The following PTPN5 variants were observed in gnomAD, a reference collection of about 807,000 sequenced individuals.
The protein encoded by PTPN5 is protein tyrosine phosphatase non-receptor type 5.
In PTPN5, 29 loss-of-function variants were observed where a neutral mutation model predicts 73.9. The ratio of observed to expected loss-of-function variants is 0.39; its 90% CI spans 0.29 to 0.54. PTPN5 has a LOEUF of 0.54. Ranked by LOEUF, PTPN5 falls within the 20% of genes least tolerant of loss-of-function variation. PTPN5 has a pLI of 0.65. For missense variants in PTPN5, 652 were observed against 751.4 expected (o/e 0.87, Z 1.55); for synonymous variants, 267 against 304.7 (o/e 0.88, Z 1.29).
intron 1 of PTPN5, among the ~76,000 whole-genome samples, chr11:18,780,645 T>C (rs1037836041): frequency 6.6e-6 from 1 of 151,922 alleles, no homozygotes; most frequent in Admixed American, 6.6e-5. Flanking sequence ...GCTCAATCCT[T>C]CCCCCAGCAC....
chr11:18,766,391 A>T (rs1325986972), intron 2 of PTPN5, among the ~76,000 whole-genome samples: 3 of 152,196 alleles, frequency 2.0e-5, no homozygotes, highest in Non-Finnish European at 4.4e-5. Flanking sequence ...CCATGGGTGG[A>T]CAAGAAGAGG....
chr11:18,765,814 C>A lies in PTPN5; in HGVS notation c.90G>T (p.Arg30Ser), dbSNP rs1220507764. 1.9e-6 allele frequency: 3 copies of A among 1,571,670 alleles called. No homozygotes were observed. Among genetic ancestry groups the A allele is most frequent in the Admixed American group, 3.7e-5 (2 of 54,020 alleles). Residue 30 changes from arginine (R) to serine (S), a missense_variant, in exon 3 of 15, where the codon AGG becomes AGT. Arg to Ser is a moderately radical substitution (Grantham distance 110). Coordinates refer to ENST00000358540, the MANE Select transcript of PTPN5 (RefSeq NM_006906.2). ...GGTGCTGAGAAGACTCACCCGGTAG[C>A]CTCTCACTGCAGCACATGTCCAGGG... is the stretch of plus-strand genomic sequence containing the variant. ...GGALDMCCSE[R>S]LPGLPQPIVM...
intron 2 of PTPN5, among the ~76,000 whole-genome samples, chr11:18,770,017 G>A (rs1340546316): frequency 3.0e-4 from 46 of 152,136 alleles, no homozygotes; most frequent in Admixed American, 3.0e-3. Context: ...TCTCACACCT[G>A]GTCTGGCTGG....
At chr11:18,770,715 C>T (rs1358998532) in intron 2 of PTPN5, among the ~76,000 whole-genome samples, 1 of 152,196 alleles carries the variant, frequency 6.6e-6, no homozygotes, top group African/African-American at 2.4e-5. Context: ...AGACTCCAAG[C>T]CTGTTGTAAC....
intron 1 of PTPN5, among the ~76,000 whole-genome samples, chr11:18,788,098 C>T (rs1337434900): frequency 6.6e-6 from 1 of 152,202 alleles, no homozygotes; most frequent in Non-Finnish European, 1.5e-5. Context: ...ATTCTTCCCT[C>T]CTGTTAGTGC....
At chr11:18,783,179 G>C (rs536167568) in intron 1 of PTPN5, among the ~76,000 whole-genome samples, 111 of 152,342 alleles carry the variant, frequency 7.3e-4, no homozygotes, top group Middle Eastern at 3.4e-3. Context: ...AAGTAGCAGA[G>C]GCAGCAGATG....
At chr11:18,760,060 GT>G (rs1850322351) in intron 3 of PTPN5, among the ~76,000 whole-genome samples, 1 of 152,136 alleles carries the variant, frequency 6.6e-6, no homozygotes, top group Non-Finnish European at 1.5e-5. Context: ...CCAAGATAGG[GT>G]TGCAAAATGG....
At chr11:18,773,645 AG>A (rs1851014751) in intron 1 of PTPN5, among the ~76,000 whole-genome samples, 1 of 152,144 alleles carries the variant, frequency 6.6e-6, no homozygotes, top group Non-Finnish European at 1.5e-5. Context: ...CCTACCAGAT[AG>A]GGATGCTGGG....
At position 18,742,857 on chromosome 11, in the gene PTPN5, T is replaced by C; in HGVS notation, c.483+135A>G. The stretch of plus-strand genomic sequence containing the variant: ...AGGCTCTTGCCCCAGGCTGGCACAC[T>C]TGTGCAAAGAGATAGGTATCCCTCC... On this transcript the variant is annotated intron_variant, in intron 6 of 14. Coordinates refer to ENST00000358540, the MANE Select transcript of PTPN5 (RefSeq NM_006906.2). This position sits in a 1 kb window ranked among gnomAD's most constrained non-coding sequence, Gnocchi z 4.1. 1.4e-6 allele frequency: 1 copy of C among 705,718 alleles called. No homozygotes were observed. The highest frequency in any genetic ancestry group is 2.4e-6 in the Non-Finnish European group (1 of 413,268). The allele number at this position is 705,718 out of a possible 1,614,324, so 43.7% of individuals were successfully genotyped here.
rs7130823 is a variant in PTPN5 at position 18,747,785 on chromosome 11, G to T, written c.98-3586C>A. On this transcript the variant is annotated intron_variant, in intron 3 of 14. Transcript: ENST00000358540. ...TAATCTCACTGACCTTAAAAATTAA[G>T]AAAGTACAAATATGTCTATAAAAAG... Among the ~76,000 whole-genome samples the T allele has an allele frequency of 5.2e-4, 79 of 152,308 alleles. 1 individual carries two copies. The highest frequency in any genetic ancestry group is 1.8e-3 in the African/African-American group (75 of 41,574).
In PTPN5 at chr11:18,743,034, C is replaced by T; in HGVS notation, c.441G>A (p.Leu147=). Residue 147 remains leucine, a synonymous_variant, in exon 6 of 15, where the codon CTG becomes CTA. Coordinates refer to ENST00000358540, the MANE Select transcript of PTPN5 (RefSeq NM_006906.2). ...CCAGGCCCACGGACAGAAAGACCAG[C>T]AGCAGACTGGGGACTCCCCACGTCC... ...DSGTWGVPSL[L]LVFLSVGLVL... 1 of 1,551,944 alleles carries T rather than the reference C, an allele frequency of 6.4e-7. No homozygotes were observed. The highest frequency in any genetic ancestry group is 8.7e-7 in the Non-Finnish European group (1 of 1,147,090).
At chr11:18,786,323 C>T (rs1590629456) in intron 1 of PTPN5, among the ~76,000 whole-genome samples, 1 of 152,160 alleles carries the variant, frequency 6.6e-6, no homozygotes, top group East Asian at 1.9e-4. Flanking sequence ...CTGCCTCAGC[C>T]TCCTGAGTAG....
chr11:18,764,606 G>A (rs558854942), intron 3 of PTPN5, among the ~76,000 whole-genome samples: 5 of 152,318 alleles, frequency 3.3e-5, no homozygotes, highest in East Asian at 3.9e-4. Flanking sequence ...AGAGTATCAC[G>A]TGAAGACTCC....
At chr11:18,780,795 A>G (rs1294773429) in intron 1 of PTPN5, among the ~76,000 whole-genome samples, 4 of 152,118 alleles carry the variant, frequency 2.6e-5, no homozygotes, top group Non-Finnish European at 5.9e-5. Context: ...ATCCCCCACG[A>G]CAGAAAGCCC....
intron 3 of PTPN5, among the ~76,000 whole-genome samples, chr11:18,761,172 T>C (rs1850370461): frequency 6.6e-6 from 1 of 152,230 alleles, no homozygotes; most frequent in Non-Finnish European, 1.5e-5. Flanking sequence ...CCTGCAGGCC[T>C]GCCCACGAGT....
Position 18,728,829 on chromosome 11 carries a change from A to C in PTPN5, c.*105T>G. On this transcript the variant is annotated 3_prime_UTR_variant, in exon 15 of 15. Transcript: ENST00000358540. The surrounding 1 kb of genome is among the most constrained non-coding windows in gnomAD (Gnocchi z 4.1). ...GACAGAGGACAGAGGGAGCTGACTG[A>C]AGGGGAGGAAGCGGGGAGCAGGCCC... 1 of 1,050,038 alleles carries C rather than the reference A, an allele frequency of 9.5e-7. No homozygotes were observed. The highest frequency in any genetic ancestry group is 1.4e-6 in the Non-Finnish European group (1 of 711,836). 65.0% of individuals were successfully genotyped at this position (1,050,038 alleles called of 1,614,324 possible). A position where few individuals can be genotyped will look rare whatever the true frequency, so the allele number is the denominator to read the frequency against.
At chr11:18,749,915 T>G (rs944749906) in intron 3 of PTPN5, among the ~76,000 whole-genome samples, 2 of 152,178 alleles carry the variant, frequency 1.3e-5, no homozygotes, top group African/African-American at 4.8e-5. Context: ...GAAAGCAAGC[T>G]CTGTCCCAGT....
At chr11:18,763,857 G>A (rs186972930) in intron 3 of PTPN5, among the ~76,000 whole-genome samples, 1 of 152,298 alleles carries the variant, frequency 6.6e-6, no homozygotes, top group East Asian at 1.9e-4. Context: ...GCTCCAGCAA[G>A]GTTAAGTGAC....
At position 18,744,059 on chromosome 11, in the gene PTPN5, G is replaced by T. The variant is rs1255164552; in HGVS notation, c.238C>A (p.His80Asn). 1 of 1,609,436 alleles carries T rather than the reference G, an allele frequency of 6.2e-7. No individual in the cohort carries two copies. Among genetic ancestry groups the T allele is most frequent in the Non-Finnish European group, 8.5e-7 (1 of 1,178,100 alleles). ...QKPPPRGAGSHSLTVRSSLCL... is the reference protein window; with the variant it reads ...QKPPPRGAGSNSLTVRSSLCL... ...AGGCTGCTCCTGACAGTGAGGGAGT[G>T]GCTCCCAGCGCCTCGAGGTGGTGGC... The change falls in exon 4 of 15, where the codon CAC (histidine) becomes AAC (asparagine). Residue 80 changes from histidine (H) to asparagine (N), a missense_variant. Transcript: ENST00000358540.
Sources: allele counts gnomAD v4.1 joint callset (sites outside exome capture counted in the v4.1 genomes callset), GRCh38; gene constraint gnomAD v4.1.1; non-coding constraint Gnocchi (gnomAD v3.1); transcripts MANE v1.5; gene names NCBI Gene and HGNC (gene_info 2026-07-23, HGNC 2026-07-21).